SYN3: variants seen among roughly 807,000 people sequenced by gnomAD.
The protein encoded by SYN3 is synapsin-3.
SYN3 carries 35 observed loss-of-function variants against 65.8 expected under a neutral mutation model. That is an observed-to-expected ratio of 0.53 (90% CI 0.41 to 0.70). The LOEUF is 0.70. Ranked by LOEUF, SYN3 falls within the 30% of genes least tolerant of loss-of-function variation. The pLI is 0.00. For synonymous variants in SYN3, 270 were observed against 292.9 expected (o/e 0.92, Z 0.80); for missense variants, 680 against 749.0 (o/e 0.91, Z 1.08).
At chr22:32,571,658 G>A (rs1356593338) in intron 7 of SYN3, among the ~76,000 whole-genome samples, 2 of 152,148 alleles carry the variant, frequency 1.3e-5, no homozygotes, top group Non-Finnish European at 2.9e-5. Context: ...ACTATGAAAG[G>A]TGGCACTGTT....
At chr22:32,851,026 C>T (rs2048204033) in intron 6 of SYN3, among the ~76,000 whole-genome samples, 1 of 152,182 alleles carries the variant, frequency 6.6e-6, no homozygotes, top group Non-Finnish European at 1.5e-5. Flanking sequence ...CCAGAGTCAG[C>T]CCTGGCCAGT....
chr22:32,861,469 C>A (rs1433600497), intron 6 of SYN3: 1 of 152,216 alleles, frequency 6.6e-6, no homozygotes, highest in African/African-American at 2.4e-5. Context: ...CTTATTTTAA[C>A]CTCAAGGTCT....
intron 4 of SYN3, among the ~76,000 whole-genome samples, chr22:32,925,866 C>CTTTTTTTTTTT (rs34649323): frequency 1.5e-5 from 2 of 132,730 alleles, no homozygotes; most frequent in Non-Finnish European, 3.1e-5. Flanking sequence ...GATAGTTGTT[C>CTTTTTTTTTTT]TTTTTTTTTT....
intron 6 of SYN3, among the ~76,000 whole-genome samples, chr22:32,684,539 A>G (rs1445471607): frequency 6.6e-6 from 1 of 152,218 alleles, no homozygotes; most frequent in Non-Finnish European, 1.5e-5. Flanking sequence ...CAGCAACCAC[A>G]TCATTGTCAA....
chr22:32,792,055 A>C (rs1270549825), intron 6 of SYN3, among the ~76,000 whole-genome samples: 2 of 152,206 alleles, frequency 1.3e-5, no homozygotes, highest in Non-Finnish European at 2.9e-5. Flanking sequence ...ACCCTGGTAT[A>C]CACAGTCCTC....
intron 6 of SYN3, among the ~76,000 whole-genome samples, chr22:32,805,550 C>T (rs566395021): frequency 5.3e-5 from 8 of 152,226 alleles, no homozygotes; most frequent in Admixed American, 4.6e-4. Flanking sequence ...TGCTATCCAG[C>T]TGGAGGAGGG....
At chr22:32,874,119 AC>A (rs1601597294) in intron 4 of SYN3, among the ~76,000 whole-genome samples, 1 of 152,088 alleles carries the variant, frequency 6.6e-6, no homozygotes, top group East Asian at 1.9e-4. Context: ...GGATGACAGA[AC>A]AAGAATCTGT....
intron 6 of SYN3, among the ~76,000 whole-genome samples, chr22:32,798,546 G>A (rs1344725982): frequency 1.3e-5 from 2 of 152,040 alleles, no homozygotes; most frequent in Non-Finnish European, 2.9e-5. Context: ...AAAGTTCCAG[G>A]AAAGAGAATA....
intron 6 of SYN3, among the ~76,000 whole-genome samples, chr22:32,793,340 T>C (rs929805673): frequency 6.6e-6 from 1 of 152,204 alleles, no homozygotes; most frequent in African/African-American, 2.4e-5. Context: ...ATCTGTAAAA[T>C]GAGGGAGTTC....
At chr22:32,711,326 A>C (rs745673472) in intron 6 of SYN3, among the ~76,000 whole-genome samples, 3 of 152,214 alleles carry the variant, frequency 2.0e-5, no homozygotes, top group Non-Finnish European at 4.4e-5. Flanking sequence ...AATTGGATTC[A>C]TTCTCTTGGG....
chr22:32,716,528 G>A (rs2147270358), intron 6 of SYN3, among the ~76,000 whole-genome samples: 1 of 152,032 alleles, frequency 6.6e-6, no homozygotes, highest in South Asian at 2.1e-4. Flanking sequence ...TAACATAGCT[G>A]TTATTTTTGT....
intron 7 of SYN3, among the ~76,000 whole-genome samples, chr22:32,564,744 G>T (rs1011735710): frequency 6.7e-6 from 1 of 149,466 alleles, no homozygotes; most frequent in Non-Finnish European, 1.5e-5. Context: ...AGTGCTCCTG[G>T]GCTGCACCCA....
chr22:32,859,056 T>C (rs2048458876), intron 6 of SYN3: 2 of 853,620 alleles, frequency 2.3e-6, no homozygotes, highest in Non-Finnish European at 2.0e-6. Flanking sequence ...TTATGATCAC[T>C]GAGGGACTGA....
Position 32,569,667 on chromosome 22 carries a change from G to A in SYN3, c.774+27007C>T, listed in dbSNP as rs2058733473. 3.3e-5 allele frequency among the ~76,000 whole-genome samples: 5 copies of A among 151,676 alleles called. No individual in the cohort carries two copies. The South Asian group carries it at 1.0e-3, about 32-fold the overall frequency. On this transcript the variant is annotated intron_variant, in intron 7 of 13. Transcript: ENST00000358763. ...TAAAAATACGAAATACTCCACAAAT[G>A]GAAGGTATGGCTTTGAGCATGGTTT...
Position 32,833,928 on chromosome 22 carries a change from A to C in SYN3, c.711+30987T>G, listed in dbSNP as rs144376003. ...ATTAGAATTAGTATTGTAATCATTG[A>C]CAATAGGATTTTTATAATTAGGGAA... On this transcript the variant is annotated intron_variant, in intron 6 of 13. Transcript: ENST00000358763. 174 of 492,594 alleles carry C rather than the reference A, an allele frequency of 3.5e-4. 1 individual carries two copies. The highest frequency in any genetic ancestry group is 2.2e-3 in the Admixed American group (111 of 50,408). The allele number at this position is 492,594 out of a possible 1,614,324, so 30.5% of individuals were successfully genotyped here. A position where few individuals can be genotyped will look rare whatever the true frequency, so the allele number is the denominator to read the frequency against.
intron 3 of SYN3, among the ~76,000 whole-genome samples, chr22:32,967,312 T>C (rs1007105188): frequency 2.6e-5 from 4 of 152,184 alleles, no homozygotes; most frequent in African/African-American, 7.2e-5. Context: ...TGAATTCTAT[T>C]GTAAAGTAAA....
At chr22:32,795,400 G>GAT in intron 6 of SYN3, among the ~76,000 whole-genome samples, 1 of 152,302 alleles carries the variant, frequency 6.6e-6, no homozygotes, top group African/African-American at 2.4e-5. Context: ...TATAGGACCT[G>GAT]GTGAGTGATG....
At chr22:32,869,367 T>TCTCTCTCTCACA (rs61464794) in intron 4 of SYN3, among the ~76,000 whole-genome samples, 31 of 142,474 alleles carry the variant, frequency 2.2e-4, no homozygotes, top group East Asian at 1.5e-3. Context: ...TCTCTCTCTC[T>TCTCTCTCTCACA]CACAGGCTCT....
chr22:32,813,449 G>A (rs2046966035), intron 6 of SYN3, among the ~76,000 whole-genome samples: 1 of 149,318 alleles, frequency 6.7e-6, no homozygotes, highest in African/African-American at 2.5e-5. Flanking sequence ...GGACAAGCAA[G>A]AAATCCAAAT....
Sources: allele counts gnomAD v4.1 joint callset (sites outside exome capture counted in the v4.1 genomes callset), GRCh38; gene constraint gnomAD v4.1.1; transcripts MANE v1.5; gene names NCBI Gene and HGNC (gene_info 2026-07-23, HGNC 2026-07-21).